The following NCKAP1 variants were observed in gnomAD, a reference collection of about 807,000 sequenced individuals.
NCKAP1 encodes the protein nck-associated protein 1.
In NCKAP1, 21 loss-of-function variants were observed where a neutral mutation model predicts 151.2. That is an observed-to-expected ratio of 0.14 (90% CI 0.10 to 0.20). NCKAP1 has a LOEUF of 0.20. Ranked by LOEUF, NCKAP1 falls within the 10% of genes least tolerant of loss-of-function variation. The pLI is 1.00. For synonymous variants in NCKAP1, 484 were observed against 451.8 expected (o/e 1.07, Z -0.90); for missense variants, 933 against 1,352.1 (o/e 0.69, Z 4.86).
intron 12 of NCKAP1, 101 bp from the exon 13 acceptor site, chr2:182,981,477 T>G: frequency 1.1e-6 from 1 of 903,156 alleles, no homozygotes; most frequent in Non-Finnish European, 1.7e-6. Context: ...ATTTTTCTTA[T>G]AAAGGGCATT....
intron 15 of NCKAP1, among the ~76,000 whole-genome samples, chr2:182,974,833 CAGAT>C (rs1320717053): frequency 3.3e-5 from 5 of 152,154 alleles, no homozygotes. Flanking sequence ...AAAAAAAAAT[CAGAT>C]AGCTAGCTAA....
At chr2:182,998,071 A>C (rs1232019343) in intron 6 of NCKAP1, among the ~76,000 whole-genome samples, 3 of 152,200 alleles carry the variant, frequency 2.0e-5, no homozygotes, top group African/African-American at 7.2e-5. Flanking sequence ...AAAATTTTTA[A>C]AACACCATAT....
At chr2:182,968,826 T>C (rs1006591851) in intron 15 of NCKAP1, among the ~76,000 whole-genome samples, 1 of 152,204 alleles carries the variant, frequency 6.6e-6, no homozygotes, top group Non-Finnish European at 1.5e-5. Flanking sequence ...ATTATCACCT[T>C]GTAAGTAGGA....
chr2:183,002,121 A>G lies in NCKAP1; in HGVS notation c.512+6T>C. 6.2e-7 allele frequency: 1 copy of G among 1,612,684 alleles called. No individual in the cohort carries two copies. The highest frequency in any genetic ancestry group is 8.5e-7 in the Non-Finnish European group (1 of 1,179,378). On this transcript the variant is annotated splice_donor_region_variant and intron_variant, in intron 5 of 30. Transcript: ENST00000361354. ...TTTTAGAAAGACTTTTATAATGCAA[A>G]TCTACCTTGCTCCATGAGTCATTTC...
chr2:183,020,486 A>C (rs922217260), intron 2 of NCKAP1, among the ~76,000 whole-genome samples: 15 of 151,664 alleles, frequency 9.9e-5, no homozygotes, highest in Middle Eastern at 3.4e-3. Flanking sequence ...AAAAAGAAAA[A>C]AAAGAAAAAA....
intron 2 of NCKAP1, among the ~76,000 whole-genome samples, chr2:183,013,483 A>G (rs1698627881): frequency 6.6e-6 from 1 of 152,136 alleles, no homozygotes; most frequent in African/African-American, 2.4e-5. Context: ...AGCAAATACT[A>G]TAGGTTCTGT....
At position 182,967,285 on chromosome 2, in the gene NCKAP1, A is replaced by T; in HGVS notation, c.1559T>A (p.Ile520Asn). 1 of 1,611,900 alleles carries T rather than the reference A, an allele frequency of 6.2e-7. No homozygotes were observed. The highest frequency in any genetic ancestry group is 8.5e-7 in the Non-Finnish European group (1 of 1,178,692). The change falls in exon 16 of 31, where the codon ATT (isoleucine) becomes AAT (asparagine). Residue 520 changes from isoleucine to asparagine, a missense_variant. Physicochemically the swap from Ile to Asn is moderately radical, Grantham distance 149 (BLOSUM62 -3). Around this residue, in one of 2 missense-constraint regions of NCKAP1, gnomAD observed 607 missense variants for 795.0 expected, o/e 0.76. Transcript: ENST00000361354. ...RELGKMMNTI[I>N]FHTKMVDSLV... ...GGAATCTACCATTTTTGTATGAAAAATTATTGTATTCATCATCTTTCCAAG... is the reference window on the plus strand; with the variant it reads ...GGAATCTACCATTTTTGTATGAAAATTTATTGTATTCATCATCTTTCCAAG...
chr2:183,023,968 C>A, intron 1 of NCKAP1, 52 bp from the exon 2 acceptor site: 1 of 1,253,440 alleles, frequency 8.0e-7, no homozygotes, highest in South Asian at 1.3e-5. Context: ...CTTCTAAAAT[C>A]AAAAATAGCA....
intron 2 of NCKAP1, among the ~76,000 whole-genome samples, chr2:183,004,452 AT>A (rs1344613015): frequency 7.3e-6 from 1 of 137,810 alleles, no homozygotes; most frequent in African/African-American, 2.9e-5. Flanking sequence ...ATATATATAT[AT>A]TTTTAACTAC....
Position 182,981,163 on chromosome 2 carries a change from T to G in NCKAP1, c.1341+81A>C, listed in dbSNP as rs899613459. ...CACTTGGCACATGATATTTCATAAA[T>G]GCTTGTTGAACAAACAAATAAAATA... On this transcript the variant is annotated intron_variant, in intron 13 of 30. Coordinates refer to ENST00000361354, the MANE Select transcript of NCKAP1 (RefSeq NM_013436.5). 9.4e-6 allele frequency: 14 copies of G among 1,492,972 alleles called. No homozygotes were observed. In the East Asian group the frequency reaches 3.2e-4, roughly 34 times the overall value. The allele number at this position is 1,492,972 out of a possible 1,614,324, so 92.5% of individuals were successfully genotyped here.
At chr2:182,999,030 T>C (rs536273653) in intron 6 of NCKAP1, among the ~76,000 whole-genome samples, 96 of 152,208 alleles carry the variant, frequency 6.3e-4, no homozygotes, top group Non-Finnish European at 1.2e-3. Flanking sequence ...AAAAGCATTC[T>C]ACGCTCATGG....
In NCKAP1 at chr2:182,919,010, C is replaced by T. The variant is rs1396400718; in HGVS notation, c.*6692G>A. 1.3e-5 allele frequency: 2 copies of T among 152,148 alleles called. No individual in the cohort carries two copies. The highest frequency in any genetic ancestry group is 2.9e-5 in the Non-Finnish European group (2 of 68,018). The allele number at this position is 152,148 out of a possible 1,614,324, so 9.4% of individuals were successfully genotyped here. On this transcript the variant is annotated 3_prime_UTR_variant, in exon 31 of 31. Coordinates refer to ENST00000361354, the MANE Select transcript of NCKAP1 (RefSeq NM_013436.5). ...TAAAAATTGCTTTGTCTTTCCTGAG[C>T]TTCAGTTTCCATATCAATAAATGGG...
chr2:182,909,987 G>C lies in NCKAP1; in HGVS notation c.*15715C>G, dbSNP rs1051872623. On this transcript the variant is annotated 3_prime_UTR_variant, in exon 31 of 31. Transcript: ENST00000361354. Reference sequence around the variant, plus strand: ...ATGGATGGGGTGGGAATTCAGTGAAGGCCAAAATACAAAAGAAAATGATAG... The same window carrying C: ...ATGGATGGGGTGGGAATTCAGTGAACGCCAAAATACAAAAGAAAATGATAG... 3 of 152,176 alleles carry C rather than the reference G, an allele frequency of 2.0e-5. No individual in the cohort carries two copies. The highest frequency in any genetic ancestry group is 7.2e-5 in the African/African-American group (3 of 41,444). The allele number at this position is 152,176 out of a possible 1,614,324, so 9.4% of individuals were successfully genotyped here. A position where few individuals can be genotyped will look rare whatever the true frequency, so the allele number is the denominator to read the frequency against.
At chr2:182,983,173 A>G in intron 11 of NCKAP1, 113 bp downstream of exon 11, 1 of 849,560 alleles carries the variant, frequency 1.2e-6, no homozygotes, top group Non-Finnish European at 1.8e-6. Flanking sequence ...TCCACTAAAT[A>G]TAAAAATCCT....
chr2:183,007,809 C>T (rs931581920), intron 2 of NCKAP1, among the ~76,000 whole-genome samples: 1 of 152,190 alleles, frequency 6.6e-6, no homozygotes, highest in African/African-American at 2.4e-5. Context: ...CAGCTACCAC[C>T]CTAGTCATCA....
intron 15 of NCKAP1, among the ~76,000 whole-genome samples, chr2:182,972,250 ACTGATTTTAAAAATGGGC>A: frequency 6.7e-6 from 1 of 148,772 alleles, no homozygotes; most frequent in Non-Finnish European, 1.5e-5. Flanking sequence ...AAAAAACAAA[ACTGATTTTAAAAATGGGC>A]AAAAGAGCTA....
At position 182,944,242 on chromosome 2, in the gene NCKAP1, A is replaced by G. The variant is rs183968523; in HGVS notation, c.2602-2079T>C. ...ATAGGAATTACCAATGAAATGGTTT[A>G]GAATAAGTTTAGACAAAGCAAGTGA... is the stretch of plus-strand genomic sequence containing the variant. On this transcript the variant is annotated intron_variant, in intron 23 of 30. Coordinates refer to ENST00000361354, the MANE Select transcript of NCKAP1 (RefSeq NM_013436.5). 3.2e-3 allele frequency among the ~76,000 whole-genome samples: 488 copies of G among 152,358 alleles called. 1 individual carries two copies. Among genetic ancestry groups the G allele is most frequent in the African/African-American group, 0.011 (468 of 41,582 alleles).
At chr2:183,037,827 C>T (rs894375367) in intron 1 of NCKAP1, among the ~76,000 whole-genome samples, 165 bp downstream of exon 1, 4 of 152,000 alleles carry the variant, frequency 2.6e-5, no homozygotes. Context: ...CGGGACTCCG[C>T]ATTAGGCCGC....
chr2:182,989,490 T>A (rs537103390), intron 8 of NCKAP1, among the ~76,000 whole-genome samples: 1 of 152,290 alleles, frequency 6.6e-6, no homozygotes, highest in South Asian at 2.1e-4. Flanking sequence ...CAACCAAAGA[T>A]CAGAAATTTC....
Sources: gnomAD v4.1 joint callset for allele counts (sites outside exome capture counted in the v4.1 genomes callset) on GRCh38, gnomAD v4.1.1 for gene constraint, gnomAD v4.1.1 regional missense constraint, MANE v1.5 for transcripts, NCBI Gene and HGNC (gene_info 2026-07-23, HGNC 2026-07-21) for gene names.